The following FAM227B variants were observed in gnomAD, a reference collection of about 807,000 sequenced individuals.
FAM227B encodes the protein family with sequence similarity 227 member B.
A neutral mutation model predicts 73.8 loss-of-function variants in FAM227B; 88 were observed. That is an observed-to-expected ratio of 1.19 (90% confidence interval 1.00 to 1.42). The LOEUF is 1.42. FAM227B is among the 40% of genes most tolerant of loss of function. FAM227B has a pLI of 0.00. For missense variants in FAM227B, 632 were observed against 590.9 expected, an observed-to-expected ratio of 1.07 and a Z score of -0.72; for synonymous variants, 210 against 190.5, an observed-to-expected ratio of 1.10 and a Z score of -0.84.
chr15:49,418,171 G>C (rs1441660941), intron 11 of FAM227B, among the ~76,000 whole-genome samples: 6 of 152,068 alleles, frequency 3.9e-5, no homozygotes. Context: ...ATAAACGCTG[G>C]CAAGCTTGCA....
intron 13 of FAM227B, among the ~76,000 whole-genome samples, chr15:49,352,798 C>A (rs575858010): frequency 1.3e-5 from 2 of 152,146 alleles, no homozygotes; most frequent in East Asian, 3.9e-4. Context: ...TACCCAATCC[C>A]AAGCAGTTCC....
intron 13 of FAM227B, among the ~76,000 whole-genome samples, chr15:49,350,738 G>A (rs894317654): frequency 2.0e-5 from 3 of 152,114 alleles, no homozygotes; most frequent in Non-Finnish European, 2.9e-5. Flanking sequence ...CTAACACACA[G>A]GAAGCTTCTC....
At position 49,541,776 on chromosome 15, in the gene FAM227B, A is replaced by G. The variant is rs533735444; in HGVS notation, c.778T>C (p.Tyr260His). The G allele has an allele frequency of 3.3e-6, 5 of 1,524,702 alleles. No homozygotes were observed. The African/African-American group carries it at 7.0e-5, about 21-fold the overall frequency. 94.4% of individuals were successfully genotyped at this position (1,524,702 alleles called of 1,614,324 possible). Residue 260 changes from tyrosine to histidine, a missense_variant, in exon 10 of 16, where the codon TAT becomes CAT. Transcript: ENST00000299338. The part of the protein sequence containing the change: ...IYPDCLAQAI[Y>H]ATFHEAFPES... ...GGAAATGCTTCATGGAACGTTGCAT[A>G]TATGGCTTGTGCCAAACAATCAGGA...
chr15:49,539,770 G>A (rs1193486715), intron 10 of FAM227B, among the ~76,000 whole-genome samples: 1 of 152,198 alleles, frequency 6.6e-6, no homozygotes, highest in Non-Finnish European at 1.5e-5. Context: ...CTGCAGCAGT[G>A]GCTCTGGTGT....
At chr15:49,613,031 G>C (rs984092071) in intron 2 of FAM227B, among the ~76,000 whole-genome samples, 13 of 152,056 alleles carry the variant, frequency 8.5e-5, no homozygotes, top group Non-Finnish European at 1.8e-4. Context: ...TGAGGGGAAA[G>C]TGGGTATAGT....
At chr15:49,546,754 T>TAAAC (rs35322421) in intron 9 of FAM227B, among the ~76,000 whole-genome samples, 106,574 of 151,666 alleles carry the variant, frequency 0.7, 37,758 homozygotes, top group East Asian at 0.92. Flanking sequence ...TAAAAAGAAA[T>TAAAC]AAAGCCTCCA....
intron 11 of FAM227B, among the ~76,000 whole-genome samples, chr15:49,468,582 G>C (rs1273278576): frequency 6.6e-6 from 1 of 152,052 alleles, no homozygotes. Flanking sequence ...TGGACTTCAG[G>C]GTTCATGGGA....
chr15:49,559,712 A>G (rs2074080631), intron 9 of FAM227B, among the ~76,000 whole-genome samples: 1 of 152,034 alleles, frequency 6.6e-6, no homozygotes, highest in African/African-American at 2.4e-5. Context: ...TGAGGCAGGC[A>G]GATCACGAGG....
At chr15:49,431,622 T>C (rs547985999) in intron 11 of FAM227B, among the ~76,000 whole-genome samples, 31 of 151,736 alleles carry the variant, frequency 2.0e-4, no homozygotes, top group Non-Finnish European at 4.0e-4. Context: ...TCTCTTCTAC[T>C]GGAGTGGTCA....
intron 13 of FAM227B, among the ~76,000 whole-genome samples, chr15:49,364,893 T>C (rs1402445110): frequency 6.6e-6 from 1 of 152,106 alleles, no homozygotes; most frequent in Non-Finnish European, 1.5e-5. Context: ...TAATACATCT[T>C]GGAAACTACA....
intron 10 of FAM227B, among the ~76,000 whole-genome samples, chr15:49,524,057 C>T (rs758081563): frequency 7.2e-5 from 11 of 152,114 alleles, no homozygotes; most frequent in African/African-American, 1.7e-4. Context: ...GCGACAGAAA[C>T]GAAAATCCCA....
intron 13 of FAM227B, among the ~76,000 whole-genome samples, chr15:49,342,547 T>C (rs981024998): frequency 7.2e-5 from 11 of 152,222 alleles, no homozygotes; most frequent in African/African-American, 2.2e-4. Flanking sequence ...TTATAATTAA[T>C]ATGTGAGGCT....
intron 11 of FAM227B, among the ~76,000 whole-genome samples, chr15:49,442,583 C>G (rs1449270032): frequency 6.6e-6 from 1 of 151,666 alleles, no homozygotes; most frequent in Non-Finnish European, 1.5e-5. Context: ...TTTCCTTATC[C>G]CTCACTCCCA....
intron 14 of FAM227B, among the ~76,000 whole-genome samples, chr15:49,335,176 G>A (rs138156871): frequency 1.3e-5 from 2 of 152,076 alleles, no homozygotes; most frequent in East Asian, 3.9e-4. Context: ...TCCTGTTGGG[G>A]TGCACCCCTC....
In FAM227B at chr15:49,355,425, G is replaced by A. The variant is rs181024666; in HGVS notation, c.1271+12023C>T. Among the ~76,000 whole-genome samples the A allele has an allele frequency of 1.0e-3, 154 of 152,282 alleles. 1 individual carries two copies. The East Asian group carries it at 0.016, about 16-fold the overall frequency. On this transcript the variant is annotated intron_variant, in intron 13 of 15. Coordinates refer to ENST00000299338, the MANE Select transcript of FAM227B (RefSeq NM_152647.3). ...CTAATGGAGCTGAAAACCAAGGCTC[G>A]AGAACTACGTGAAGAATGCAGAAGC...
intron 13 of FAM227B, among the ~76,000 whole-genome samples, chr15:49,344,414 C>T (rs548959612): frequency 6.6e-6 from 1 of 152,200 alleles, no homozygotes; most frequent in South Asian, 2.1e-4. Context: ...AATGTACATA[C>T]CTAAGGTGCT....
Position 49,335,407 on chromosome 15 carries a change from G to A in FAM227B, c.1349+12C>T, listed in dbSNP as rs1477723380. The A allele has an allele frequency of 6.5e-7, 1 of 1,543,782 alleles. No homozygotes were observed. Among genetic ancestry groups the A allele is most frequent in the Non-Finnish European group, 9.0e-7 (1 of 1,116,602 alleles). ...TTATTTTATATTTAACAATAGTATA[G>A]CATCAACTTACATCCTAAAATCCTT... On this transcript the variant is annotated intron_variant, in intron 14 of 15. Coordinates refer to ENST00000299338, the MANE Select transcript of FAM227B (RefSeq NM_152647.3).
intron 11 of FAM227B, among the ~76,000 whole-genome samples, chr15:49,447,978 A>C (rs1333903009): frequency 6.6e-6 from 1 of 151,750 alleles, no homozygotes; most frequent in Non-Finnish European, 1.5e-5. Flanking sequence ...GAACTTCATC[A>C]TTCAAAAGCT....
At chr15:49,539,960 A>G (rs1298882066) in intron 10 of FAM227B, among the ~76,000 whole-genome samples, 2 of 152,212 alleles carry the variant, frequency 1.3e-5, no homozygotes, top group African/African-American at 4.8e-5. Flanking sequence ...GTGGGTATGC[A>G]AAGAGTGTCT....
Sources: gnomAD v4.1 joint callset for allele counts (sites outside exome capture counted in the v4.1 genomes callset) on GRCh38, gnomAD v4.1.1 for gene constraint, MANE v1.5 for transcripts, NCBI Gene and HGNC (gene_info 2026-07-23, HGNC 2026-07-21) for gene names.